Variants in GRIA4 observed in about 807,000 individuals in gnomAD.
The protein encoded by GRIA4 is glutamate receptor 4.
A neutral mutation model predicts 104.0 loss-of-function variants in GRIA4; 34 were observed. That is an observed-to-expected ratio of 0.33 (90% CI 0.25 to 0.44). The LOEUF (loss-of-function observed/expected upper bound fraction) is 0.44, where lower values mean the gene tolerates loss of function less well. Among genes scored for constraint, GRIA4 ranks in the 20% least tolerant of loss-of-function variants. The pLI, the probability that GRIA4 is intolerant of heterozygous loss-of-function variation, is 1.00. For missense variants in GRIA4, 750 were observed against 1,096.5 expected (o/e 0.68, Z 4.46); for synonymous variants, 386 against 381.9 (o/e 1.01, Z -0.13).
At chr11:105,641,596 T>C (rs1361454072) in intron 3 of GRIA4, among the ~76,000 whole-genome samples, 1 of 152,130 alleles carries the variant, frequency 6.6e-6, no homozygotes, top group Non-Finnish European at 1.5e-5. Context: ...TATGACATCA[T>C]CCTGTGTCAC....
intron 4 of GRIA4, among the ~76,000 whole-genome samples, chr11:105,844,549 T>C (rs930664191): frequency 2.0e-5 from 3 of 152,208 alleles, no homozygotes; most frequent in Non-Finnish European, 2.9e-5. Context: ...GAACAAACTA[T>C]TCAGTAACAG....
intron 3 of GRIA4, among the ~76,000 whole-genome samples, chr11:105,737,176 G>T (rs1234425595): frequency 6.6e-6 from 1 of 152,070 alleles, no homozygotes. Flanking sequence ...ACTTTAACAA[G>T]TAACTGGAGT....
At chr11:105,915,561 A>G (rs1458233609) in intron 10 of GRIA4, among the ~76,000 whole-genome samples, 1 of 152,202 alleles carries the variant, frequency 6.6e-6, no homozygotes, top group Non-Finnish European at 1.5e-5. Flanking sequence ...ACTATTTAGG[A>G]AACACTGATA....
chr11:105,697,734 G>A lies in GRIA4; in HGVS notation c.248-55247G>A, dbSNP rs930559208. Among the ~76,000 whole-genome samples the A allele has an allele frequency of 1.6e-4, 25 of 152,108 alleles. 1 individual carries two copies. Among genetic ancestry groups the A allele is most frequent in the African/African-American group, 4.6e-4 (19 of 41,434 alleles). ...GTTTAAGAGTGGGGGGAGGGGTGGTGCAATTGTGAAATGAGTGCAAATTGT... is the reference window on the plus strand; with the variant it reads ...GTTTAAGAGTGGGGGGAGGGGTGGTACAATTGTGAAATGAGTGCAAATTGT... On this transcript the variant is annotated intron_variant, in intron 3 of 16. Transcript: ENST00000282499.
chr11:105,859,543 G>T (rs1945140989), intron 4 of GRIA4, among the ~76,000 whole-genome samples: 1 of 152,108 alleles, frequency 6.6e-6, no homozygotes, highest in Non-Finnish European at 1.5e-5. Context: ...AAGGTGTGTG[G>T]CTCCACATTC....
At position 105,855,264 on chromosome 11, in the gene GRIA4, C is replaced by T. The variant is rs369247178; in HGVS notation, c.488-6760C>T. Among the ~76,000 whole-genome samples the T allele has an allele frequency of 5.3e-4, 81 of 152,196 alleles. 2 individuals carry two copies. In the South Asian group the frequency reaches 0.015, roughly 27 times the overall value. ...GCTTAACACTGCTTTCCCAAGGTAT[C>T]GCAATATTGAATAGGTTTGACACTC... is the stretch of plus-strand genomic sequence containing the variant. On this transcript the variant is annotated intron_variant, in intron 4 of 16. Transcript: ENST00000282499.
intron 3 of GRIA4, among the ~76,000 whole-genome samples, chr11:105,752,651 A>G (rs548427925): frequency 6.6e-6 from 1 of 152,302 alleles, no homozygotes; most frequent in South Asian, 2.1e-4. Flanking sequence ...TGTCACACCT[A>G]AAGTTCTCTA....
chr11:105,710,065 T>C (rs1370098469), intron 3 of GRIA4, among the ~76,000 whole-genome samples: 1 of 152,172 alleles, frequency 6.6e-6, no homozygotes, highest in African/African-American at 2.4e-5. Flanking sequence ...TAGCATATCC[T>C]TAGTGAAGTC....
intron 4 of GRIA4, among the ~76,000 whole-genome samples, chr11:105,819,012 TC>T (rs1943483569): frequency 6.6e-6 from 1 of 152,180 alleles, no homozygotes; most frequent in Non-Finnish European, 1.5e-5. Context: ...AAACAATTTT[TC>T]TCTTCATCTT....
At chr11:105,688,291 G>C (rs370607496) in intron 3 of GRIA4, among the ~76,000 whole-genome samples, 1 of 152,232 alleles carries the variant, frequency 6.6e-6, no homozygotes, top group Admixed American at 6.5e-5. Context: ...GGGCACGGCG[G>C]CTCACACCTG....
chr11:105,712,707 CTTTG>C (rs1352427009), intron 3 of GRIA4, among the ~76,000 whole-genome samples: 4 of 113,878 alleles, frequency 3.5e-5, no homozygotes, highest in Non-Finnish European at 5.7e-5. Flanking sequence ...TTTTGTTTTG[CTTTG>C]TTTTTGTTTT....
intron 3 of GRIA4, among the ~76,000 whole-genome samples, chr11:105,695,777 G>T (rs923995898): frequency 6.6e-6 from 1 of 151,988 alleles, no homozygotes; most frequent in Non-Finnish European, 1.5e-5. Flanking sequence ...TTACTTCTTG[G>T]CTAGGAGCCA....
intron 4 of GRIA4, among the ~76,000 whole-genome samples, chr11:105,833,191 T>C (rs1202191328): frequency 6.6e-6 from 1 of 151,968 alleles, no homozygotes; most frequent in African/African-American, 2.4e-5. Flanking sequence ...GGATGCTTAT[T>C]AGGTGTGAGA....
chr11:105,667,974 T>C (rs1255335043), intron 3 of GRIA4, among the ~76,000 whole-genome samples: 1 of 151,708 alleles, frequency 6.6e-6, no homozygotes, highest in Non-Finnish European at 1.5e-5. Flanking sequence ...ACAAGAATCT[T>C]GTGCCCTTTG....
chr11:105,723,057 C>T (rs1937939508), intron 3 of GRIA4, among the ~76,000 whole-genome samples: 1 of 151,982 alleles, frequency 6.6e-6, no homozygotes, highest in African/African-American at 2.4e-5. Context: ...ACAACTGGAC[C>T]TTGGGACTTG....
chr11:105,720,879 T>C (rs1439200981), intron 3 of GRIA4, among the ~76,000 whole-genome samples: 1 of 152,158 alleles, frequency 6.6e-6, no homozygotes, highest in African/African-American at 2.4e-5. Flanking sequence ...GCAGGAATAA[T>C]TAATATTTTG....
At chr11:105,745,221 T>A (rs1939576430) in intron 3 of GRIA4, among the ~76,000 whole-genome samples, 1 of 152,220 alleles carries the variant, frequency 6.6e-6, no homozygotes, top group Non-Finnish European at 1.5e-5. Flanking sequence ...GTTAAAATTC[T>A]TTATAAAGTT....
At chr11:105,667,201 T>C (rs1480386343) in intron 3 of GRIA4, among the ~76,000 whole-genome samples, 1 of 151,990 alleles carries the variant, frequency 6.6e-6, no homozygotes, top group Non-Finnish European at 1.5e-5. Context: ...GAAAAAAATA[T>C]AGCAAATTAC....
chr11:105,666,203 A>G (rs1952160078), intron 3 of GRIA4, among the ~76,000 whole-genome samples: 1 of 152,080 alleles, frequency 6.6e-6, no homozygotes, highest in South Asian at 2.1e-4. Context: ...CATTTTAGTT[A>G]AATATAAAAT....
Sources: allele counts gnomAD v4.1 joint callset (sites outside exome capture counted in the v4.1 genomes callset), GRCh38; gene constraint gnomAD v4.1.1; transcripts MANE v1.5; gene names NCBI Gene and HGNC (gene_info 2026-07-23, HGNC 2026-07-21).